RUFY2: variants seen among roughly 807,000 people sequenced by gnomAD.
RUFY2 encodes RUN and FYVE domain-containing protein 2.
Under a neutral mutation model 94.4 loss-of-function variants are expected in RUFY2, and 49 were observed. The observed-to-expected ratio is 0.52, with a 90% confidence interval of 0.41 to 0.66. The LOEUF (loss-of-function observed/expected upper bound fraction) is 0.66, where lower values mean the gene tolerates loss of function less well. Among genes scored for constraint, RUFY2 ranks in the 30% least tolerant of loss-of-function variants. The pLI, the probability that RUFY2 is intolerant of heterozygous loss-of-function variation, is 0.00. For missense variants in RUFY2, 541 were observed against 692.8 expected (o/e 0.78, Z 2.46); for synonymous variants, 255 against 235.7 (o/e 1.08, Z -0.75).
intron 13 of RUFY2, among the ~76,000 whole-genome samples, chr10:68,370,448 C>CTTTTTTTTTTTT (rs949829713): frequency 7.9e-6 from 1 of 126,172 alleles, no homozygotes; most frequent in Non-Finnish European, 1.7e-5. Flanking sequence ...TTTCTTTTTT[C>CTTTTTTTTTTTT]TTTTTTTTTT....
chr10:68,343,278 A>G (rs535147820), downstream of RUFY2: 7 of 152,336 alleles, frequency 4.6e-5, no homozygotes, highest in South Asian at 2.1e-4. Context: ...TACGATGTCT[A>G]TGATTTAGGA....
At chr10:68,370,292 A>C (rs753517643) in intron 13 of RUFY2, among the ~76,000 whole-genome samples, 4 of 152,156 alleles carry the variant, frequency 2.6e-5, no homozygotes, top group Non-Finnish European at 5.9e-5. Flanking sequence ...TCTCAAAAAA[A>C]CAGAAAGTAA....
chr10:68,372,965 T>A (rs1218927271), intron 13 of RUFY2, among the ~76,000 whole-genome samples: 1 of 151,930 alleles, frequency 6.6e-6, no homozygotes, highest in African/African-American at 2.4e-5. Flanking sequence ...ACTTGGAGCT[T>A]CAGGAATAAA....
chr10:68,354,940 G>A (rs1011540705), intron 16 of RUFY2, among the ~76,000 whole-genome samples: 48 of 151,658 alleles, frequency 3.2e-4, no homozygotes, highest in East Asian at 1.4e-3. Flanking sequence ...TCCACCTTCC[G>A]GGCTCAAGCA....
chr10:68,379,801 T>C (rs541404726), intron 11 of RUFY2, among the ~76,000 whole-genome samples: 1 of 151,160 alleles, frequency 6.6e-6, no homozygotes, highest in Non-Finnish European at 1.5e-5. Flanking sequence ...TATAAAGCAG[T>C]GCTATTAGTC....
At chr10:68,386,548 C>T (rs1020584917) in intron 7 of RUFY2, among the ~76,000 whole-genome samples, 3 of 152,134 alleles carry the variant, frequency 2.0e-5, no homozygotes, top group Non-Finnish European at 4.4e-5. Context: ...CGGGGTTACA[C>T]CATGTTGGTC....
At chr10:68,402,839 CTTTTTT>C (rs68013041) in intron 2 of RUFY2, among the ~76,000 whole-genome samples, 10 of 109,878 alleles carry the variant, frequency 9.1e-5, no homozygotes, top group Non-Finnish European at 1.2e-4. Flanking sequence ...CAAGCCATAT[CTTTTTT>C]TTTTTTTTTT....
rs7899885 is a variant in RUFY2, at chr10:68,384,017, C to T, written c.822+34G>A. 0.78 allele frequency: 1,231,327 copies of T among 1,583,998 alleles called. 484,143 individuals are homozygous for T. The highest frequency in any genetic ancestry group is 0.86 in the East Asian group (38,544 of 44,668). ...TCCCCAAAAATGGTAATTTCTGACACGAGATTGTCTGCTTGAAAGCAGTCT... is the reference window on the plus strand; with the variant it reads ...TCCCCAAAAATGGTAATTTCTGACATGAGATTGTCTGCTTGAAAGCAGTCT... On this transcript the variant is annotated intron_variant, in intron 9 of 17. Coordinates refer to ENST00000602465, the MANE Select transcript of RUFY2 (RefSeq NM_001330103.2).
At chr10:68,386,413 G>A (rs545381279) in intron 7 of RUFY2, among the ~76,000 whole-genome samples, 12 of 152,194 alleles carry the variant, frequency 7.9e-5, no homozygotes, top group Admixed American at 3.9e-4. Flanking sequence ...GCAGTGGCAC[G>A]ATCTCGGCTC....
chr10:68,342,168 T>C, downstream of RUFY2: 1 of 668,592 alleles, frequency 1.5e-6, no homozygotes. Context: ...AGGAATGTGT[T>C]TTCAAAATAT....
At chr10:68,370,012 G>A (rs763002452) in intron 13 of RUFY2, among the ~76,000 whole-genome samples, 55 of 152,018 alleles carry the variant, frequency 3.6e-4, no homozygotes, top group Non-Finnish European at 1.5e-4. Flanking sequence ...GGCCGGGCAC[G>A]GGGGCTCGTG....
At chr10:68,377,506 G>A (rs538353285) in intron 12 of RUFY2, 16 of 983,614 alleles carry the variant, frequency 1.6e-5, no homozygotes, top group Admixed American at 1.3e-4. Context: ...AAATTATGCC[G>A]AAGCTCTGTG....
chr10:68,341,633 C>T, downstream of RUFY2: 1 of 1,613,712 alleles, frequency 6.2e-7, no homozygotes, highest in Non-Finnish European at 8.5e-7. Flanking sequence ...GGAGGCGGCT[C>T]TGGCATGGGA....
At chr10:68,365,520 T>C (rs755079441) in intron 13 of RUFY2, among the ~76,000 whole-genome samples, 1 of 152,208 alleles carries the variant, frequency 6.6e-6, no homozygotes, top group South Asian at 2.1e-4. Context: ...TCCTACTGGG[T>C]GCCTGAGCCA....
In RUFY2 at chr10:68,376,930, C is replaced by T; in HGVS notation, c.1248G>A (p.Glu416=). The T allele has an allele frequency of 6.2e-7, 1 of 1,613,626 alleles. No homozygotes were observed. Among genetic ancestry groups the T allele is most frequent in the Non-Finnish European group, 8.5e-7 (1 of 1,179,816 alleles). ...AEKAQMEAED[E]DEKYLQECLS... ...GACATTCTTGTAGATATTTCTCATC[C>T]TCATCTTCAGCTTCCATTTGCGCCT... The change falls in exon 13 of 18, where the codon GAG becomes GAA. Residue 416 remains glutamate (E), a synonymous_variant. Transcript: ENST00000602465.
In RUFY2 at chr10:68,371,283, G is replaced by A. The variant is rs187988500; in HGVS notation, c.1325+5570C>T. 2.8e-3 allele frequency among the ~76,000 whole-genome samples: 420 copies of A among 152,134 alleles called. 6 individuals carry two copies. Among genetic ancestry groups the A allele is most frequent in the East Asian group, 0.019 (97 of 5,178 alleles). The stretch of plus-strand genomic sequence containing the variant: ...AAAAATACAAAAAAATTAGCCAGGC[G>A]TGGTGGTAGGTGCCTATAATCCCAG... On this transcript the variant is annotated intron_variant, in intron 13 of 17. Coordinates refer to ENST00000602465, the MANE Select transcript of RUFY2 (RefSeq NM_001330103.2).
chr10:68,378,386 C>A, intron 12 of RUFY2: 2 of 1,233,326 alleles, frequency 1.6e-6, no homozygotes, highest in Non-Finnish European at 2.0e-6. Flanking sequence ...GTCTGGAAAT[C>A]CAAGTGCACC....
chr10:68,403,936 G>A (rs550807340), intron 2 of RUFY2, among the ~76,000 whole-genome samples: 1 of 151,866 alleles, frequency 6.6e-6, no homozygotes, highest in Non-Finnish European at 1.5e-5. Flanking sequence ...GGGACCACAG[G>A]CATATGCTGG....
At position 68,375,781 on chromosome 10, in the gene RUFY2, A is replaced by C. The variant is rs569373008; in HGVS notation, c.1325+1072T>G. On this transcript the variant is annotated intron_variant, in intron 13 of 17. Transcript: ENST00000602465. ...ATAGAGCGAGACTCCATCTCAAAAA[A>C]AAAAAAAAATCAGACACAATTAAAA... Among the ~76,000 whole-genome samples the C allele has an allele frequency of 1.8e-4, 28 of 151,958 alleles. No homozygotes were observed. In the East Asian group the frequency reaches 4.3e-3, roughly 23 times the overall value.
Sources: gnomAD v4.1 joint callset for allele counts (sites outside exome capture counted in the v4.1 genomes callset) on GRCh38, gnomAD v4.1.1 for gene constraint, MANE v1.5 for transcripts, NCBI Gene and HGNC (gene_info 2026-07-23, HGNC 2026-07-21) for gene names.